AEBP2: variants seen among roughly 807,000 people sequenced by gnomAD.
AEBP2 encodes the protein AE binding protein 2.
In AEBP2, 10 loss-of-function variants were observed where a neutral mutation model predicts 50.8. The ratio of observed to expected loss-of-function variants is 0.20; its 90% CI spans 0.12 to 0.33. AEBP2 has a LOEUF of 0.33. AEBP2 is among the 10% of genes least tolerant of loss of function. AEBP2 has a pLI of 1.00. For missense variants in AEBP2, 570 were observed against 688.0 expected (o/e 0.83, Z 1.92); for synonymous variants, 296 against 261.3 (o/e 1.13, Z -1.28).
At chr12:19,509,574 C>T (rs796283985) in intron 5 of AEBP2, among the ~76,000 whole-genome samples, 48 of 152,034 alleles carry the variant, frequency 3.2e-4, no homozygotes, top group African/African-American at 9.9e-4. Flanking sequence ...GGTAAAACCC[C>T]GTCTCTAGAA....
At chr12:19,418,708 C>T (rs1408940326) in intron 1 of AEBP2, among the ~76,000 whole-genome samples, 1 of 152,108 alleles carries the variant, frequency 6.6e-6, no homozygotes, top group African/African-American at 2.4e-5. Flanking sequence ...TGTATAAAGC[C>T]AAGCTGTAAC....
chr12:19,444,487 C>G (rs563754249), intron 1 of AEBP2, among the ~76,000 whole-genome samples: 96 of 152,354 alleles, frequency 6.3e-4, no homozygotes, highest in Non-Finnish European at 1.2e-3. Flanking sequence ...GATTCCAGCA[C>G]TTTGGGAGGC....
intron 4 of AEBP2, among the ~76,000 whole-genome samples, chr12:19,497,029 C>T (rs1170682080): frequency 6.6e-6 from 1 of 150,818 alleles, no homozygotes; most frequent in South Asian, 2.1e-4. Flanking sequence ...TTTTAAAAAT[C>T]TTTAAAATAT....
chr12:19,448,732 T>G (rs2153367594), intron 1 of AEBP2, among the ~76,000 whole-genome samples: 1 of 152,248 alleles, frequency 6.6e-6, no homozygotes, highest in South Asian at 2.1e-4. Flanking sequence ...CAGGCTGGAG[T>G]GCAGTGGTAC....
At chr12:19,464,033 A>C (rs1050189673) in intron 2 of AEBP2, among the ~76,000 whole-genome samples, 5 of 152,162 alleles carry the variant, frequency 3.3e-5, no homozygotes, top group Non-Finnish European at 7.3e-5. Flanking sequence ...TTTTTTGATT[A>C]CTCAAACTTG....
intron 3 of AEBP2, among the ~76,000 whole-genome samples, chr12:19,489,341 C>T (rs1034602382): frequency 6.6e-6 from 1 of 152,056 alleles, no homozygotes; most frequent in Non-Finnish European, 1.5e-5. Flanking sequence ...GCAGGGGAAC[C>T]TGCCATTTTT....
intron 5 of AEBP2, among the ~76,000 whole-genome samples, chr12:19,501,437 C>T (rs1411035632): frequency 6.6e-6 from 1 of 151,838 alleles, no homozygotes; most frequent in Non-Finnish European, 1.5e-5. Context: ...GAATTCAATA[C>T]CAGCCTGGAT....
chr12:19,490,656 G>C (rs918178736), intron 3 of AEBP2, among the ~76,000 whole-genome samples: 2 of 152,124 alleles, frequency 1.3e-5, no homozygotes, highest in African/African-American at 4.8e-5. Context: ...ATTAGAGACA[G>C]GGTTTCACTG....
At chr12:19,446,922 CA>C (rs977943608) in intron 1 of AEBP2, among the ~76,000 whole-genome samples, 1 of 151,004 alleles carries the variant, frequency 6.6e-6, no homozygotes, top group Admixed American at 6.6e-5. Context: ...AAGACTCTCA[CA>C]AAAAACAAAA....
rs529106013 is a variant in AEBP2 at position 19,440,875 on chromosome 12, A to G, written c.671+505A>G. On this transcript the variant is annotated intron_variant, in intron 1 of 7. Coordinates refer to ENST00000266508, the MANE Select transcript of AEBP2 (RefSeq NM_153207.5). Reference sequence around the variant, plus strand: ...ATCACTTTTCTCTACTTAAACAAAAAAAGGACTGTTCTTTTATATTAAATC... The same window carrying G: ...ATCACTTTTCTCTACTTAAACAAAAGAAGGACTGTTCTTTTATATTAAATC... 1.5e-5 allele frequency: 15 copies of G among 1,016,362 alleles called. No individual in the cohort carries two copies. In the African/African-American group the frequency reaches 2.1e-4, roughly 14 times the overall value. The allele number at this position is 1,016,362 out of a possible 1,614,324, so 63.0% of individuals were successfully genotyped here.
At chr12:19,461,283 TTTA>T (rs1451811291) in intron 1 of AEBP2, among the ~76,000 whole-genome samples, 1 of 152,196 alleles carries the variant, frequency 6.6e-6, no homozygotes, top group Non-Finnish European at 1.5e-5. Context: ...ATGTAATTTA[TTTA>T]TTGAGAAGAT....
intron 3 of AEBP2, among the ~76,000 whole-genome samples, chr12:19,482,193 AGCAGCAGGGCTACTAG>A (rs1948740172): frequency 6.6e-6 from 1 of 152,132 alleles, no homozygotes; most frequent in Admixed American, 6.6e-5. Flanking sequence ...GTAGCCATCC[AGCAGCAGGGCTACTAG>A]GCTCTGGGAT....
At chr12:19,472,750 A>G (rs887598853) in intron 2 of AEBP2, among the ~76,000 whole-genome samples, 1 of 152,182 alleles carries the variant, frequency 6.6e-6, no homozygotes, top group South Asian at 2.1e-4. Flanking sequence ...TTGTAATTTG[A>G]TAATTTTCAT....
chr12:19,460,796 A>T (rs1948361968), intron 1 of AEBP2, among the ~76,000 whole-genome samples: 3 of 151,934 alleles, frequency 2.0e-5, no homozygotes, highest in Admixed American at 6.6e-5. Context: ...CTGGGACTGC[A>T]GGCGCACACT....
chr12:19,416,903 G>T (rs1330473743), intron 1 of AEBP2, among the ~76,000 whole-genome samples: 1 of 142,428 alleles, frequency 7.0e-6, no homozygotes, highest in Non-Finnish European at 1.5e-5. Flanking sequence ...TTGGAATCTC[G>T]CTCTGTCGCC....
chr12:19,416,910 C>T (rs1408336997), intron 1 of AEBP2, among the ~76,000 whole-genome samples: 8 of 149,870 alleles, frequency 5.3e-5, no homozygotes, highest in Admixed American at 2.7e-4. Context: ...CTCGCTCTGT[C>T]GCCCGGGCTG....
intron 3 of AEBP2, among the ~76,000 whole-genome samples, chr12:19,479,530 T>A: frequency 6.6e-6 from 1 of 152,270 alleles, no homozygotes; most frequent in African/African-American, 2.4e-5. Context: ...CAATTATTAT[T>A]ACATAATTAT....
chr12:19,457,873 TTTG>T lies in AEBP2; in HGVS notation c.672-4635_672-4633del, dbSNP rs539030307. 3.2e-4 allele frequency among the ~76,000 whole-genome samples: 49 copies of T among 152,298 alleles called. No individual in the cohort carries two copies. The East Asian group carries it at 9.3e-3, about 29-fold the overall frequency. On this transcript the variant is annotated intron_variant, in intron 1 of 7. Coordinates refer to ENST00000266508, the MANE Select transcript of AEBP2 (RefSeq NM_153207.5). Reference sequence around the variant, plus strand: ...TACTGAATGCAGAATCTGCATTTGATTTGTATACACATGAAAGTTTGAGAAACA... The same window carrying T: ...TACTGAATGCAGAATCTGCATTTGATTATACACATGAAAGTTTGAGAAACA...
chr12:19,406,269 T>C (rs371301869), intron 1 of AEBP2, among the ~76,000 whole-genome samples: 45 of 152,240 alleles, frequency 3.0e-4, no homozygotes, highest in African/African-American at 1.0e-3. Context: ...CCAGCCTACA[T>C]TGATACATCA....
Sources: gnomAD v4.1 joint callset for allele counts (sites outside exome capture counted in the v4.1 genomes callset) on GRCh38, gnomAD v4.1.1 for gene constraint, MANE v1.5 for transcripts, NCBI Gene and HGNC (gene_info 2026-07-23, HGNC 2026-07-21) for gene names.